The following CALN1 variants were observed in gnomAD, a reference collection of about 807,000 sequenced individuals.
CALN1 encodes the protein calneuron 1, also known as calcium-binding protein 8.
In CALN1, 17 loss-of-function variants were observed where a neutral mutation model predicts 30.6. The observed-to-expected ratio is 0.56, with a 90% CI of 0.38 to 0.83. The LOEUF (loss-of-function observed/expected upper bound fraction) is 0.83, where lower values mean the gene tolerates loss of function less well. CALN1 is among the 40% of genes least tolerant of loss of function. The pLI, the probability that CALN1 is intolerant of heterozygous loss-of-function variation, is 0.00. For missense variants in CALN1, 291 were observed against 354.9 expected, an observed-to-expected ratio of 0.82 and a Z score of 1.45; for synonymous variants, 156 against 131.4, an observed-to-expected ratio of 1.19 and a Z score of -1.28.
intron 2 of CALN1, among the ~76,000 whole-genome samples, chr7:72,280,303 C>A (rs1297890777): frequency 6.6e-6 from 1 of 152,208 alleles, no homozygotes; most frequent in Non-Finnish European, 1.5e-5. Context: ...CAAGAGCCAA[C>A]TGTCAGCTTG....
intron 4 of CALN1, among the ~76,000 whole-genome samples, chr7:72,088,772 T>TAAGAGAAGG (rs1395873458): frequency 2.1e-3 from 122 of 57,270 alleles, no homozygotes; most frequent in African/African-American, 7.7e-3. Flanking sequence ...GGAAGAGAAG[T>TAAGAGAAGG]AAGAGAAGGA....
intron 5 of CALN1, among the ~76,000 whole-genome samples, chr7:71,861,435 G>T (rs1791271012): frequency 6.6e-6 from 1 of 151,792 alleles, no homozygotes; most frequent in African/African-American, 2.4e-5. Context: ...CTCAGATTTG[G>T]ACCCCACCCT....
intron 3 of CALN1, among the ~76,000 whole-genome samples, chr7:72,119,227 G>A (rs929240820): frequency 1.3e-5 from 2 of 152,126 alleles, no homozygotes; most frequent in Non-Finnish European, 2.9e-5. Flanking sequence ...TTGACTTACA[G>A]TTCCACATGG....
intron 3 of CALN1, among the ~76,000 whole-genome samples, chr7:72,128,072 A>T (rs1323673280): frequency 6.6e-6 from 1 of 152,176 alleles, no homozygotes; most frequent in African/African-American, 2.4e-5. Context: ...CAATATCAAT[A>T]ATAAAAATAT....
chr7:72,041,575 C>A (rs1027418121), intron 4 of CALN1, among the ~76,000 whole-genome samples: 3 of 151,800 alleles, frequency 2.0e-5, no homozygotes, highest in African/African-American at 7.3e-5. Flanking sequence ...GTAGAGACAG[C>A]GTTTCATCAT....
At chr7:72,270,846 C>G (rs895320806) in intron 3 of CALN1, among the ~76,000 whole-genome samples, 1 of 152,192 alleles carries the variant, frequency 6.6e-6, no homozygotes, top group Non-Finnish European at 1.5e-5. Context: ...TAGCATCCCT[C>G]CAATGGTATC....
chr7:71,902,129 C>A (rs1793883457), intron 5 of CALN1, among the ~76,000 whole-genome samples: 1 of 152,060 alleles, frequency 6.6e-6, no homozygotes, highest in Non-Finnish European at 1.5e-5. Flanking sequence ...CAGGCTGAGG[C>A]TGGAGAATGG....
At chr7:72,306,133 G>C (rs983414905) in intron 2 of CALN1, among the ~76,000 whole-genome samples, 4 of 151,940 alleles carry the variant, frequency 2.6e-5, no homozygotes, top group African/African-American at 9.7e-5. Flanking sequence ...AACTGACACT[G>C]GTATAACATG....
intron 3 of CALN1, among the ~76,000 whole-genome samples, chr7:72,226,073 T>C (rs501430): frequency 0.72 from 102,329 of 142,234 alleles, 37,503 homozygotes; most frequent in East Asian, 1. Flanking sequence ...TCCAGCCTGG[T>C]GACAGAGCGA....
chr7:72,177,179 G>A (rs954457622), intron 3 of CALN1, among the ~76,000 whole-genome samples: 1 of 152,146 alleles, frequency 6.6e-6, no homozygotes, highest in African/African-American at 2.4e-5. Context: ...CAATGAGCAC[G>A]AGCATTCTGA....
intron 3 of CALN1, among the ~76,000 whole-genome samples, chr7:72,141,891 G>A (rs1173945377): frequency 6.6e-6 from 1 of 152,096 alleles, no homozygotes; most frequent in Non-Finnish European, 1.5e-5. Flanking sequence ...TTCTACAGAT[G>A]GGCCCTATGT....
At chr7:71,917,461 A>T (rs1733465321) in intron 5 of CALN1, among the ~76,000 whole-genome samples, 1 of 152,220 alleles carries the variant, frequency 6.6e-6, no homozygotes, top group Non-Finnish European at 1.5e-5. Context: ...ATAAATGGTG[A>T]TGAATATGCT....
intron 3 of CALN1, among the ~76,000 whole-genome samples, chr7:72,199,541 G>A (rs1487334075): frequency 1.3e-5 from 2 of 152,142 alleles, no homozygotes; most frequent in Non-Finnish European, 2.9e-5. Flanking sequence ...GCAACATAGT[G>A]AGACCACATC....
At chr7:72,235,355 C>T (rs1028849411) in intron 3 of CALN1, among the ~76,000 whole-genome samples, 2 of 152,084 alleles carry the variant, frequency 1.3e-5, no homozygotes, top group African/African-American at 4.8e-5. Flanking sequence ...AGTGTGTCCA[C>T]GCCTTATAGA....
Position 71,784,693 on chromosome 7 carries a change from A to G in CALN1, c.*3082T>C. ...AAGAATGAGCCAACCTGTGTTTGTC[A>G]ATCACTCAGCCTCCACACAGTTGGG... On this transcript the variant is annotated 3_prime_UTR_variant, in exon 7 of 7. Transcript: ENST00000395275. 1 of 397,748 alleles carries G rather than the reference A, an allele frequency of 2.5e-6. No homozygotes were observed. The highest frequency in any genetic ancestry group is 3.6e-5 in the East Asian group (1 of 28,044). The allele number at this position is 397,748 out of a possible 1,614,324, so 24.6% of individuals were successfully genotyped here. A position where few individuals can be genotyped will look rare whatever the true frequency, so the allele number is the denominator to read the frequency against.
chr7:72,128,135 T>TA (rs1342978662), intron 3 of CALN1, among the ~76,000 whole-genome samples: 1 of 152,074 alleles, frequency 6.6e-6, no homozygotes, highest in African/African-American at 2.4e-5. Context: ...GAATTCATCC[T>TA]AAAAAAGAAG....
At chr7:72,107,273 T>C (rs1807241516) in intron 3 of CALN1, among the ~76,000 whole-genome samples, 1 of 152,244 alleles carries the variant, frequency 6.6e-6, no homozygotes, top group East Asian at 1.9e-4. Context: ...TCCCTGCTGC[T>C]GTAGGAGCTG....
At chr7:71,904,923 T>A (rs1226510161) in intron 5 of CALN1, among the ~76,000 whole-genome samples, 1 of 150,280 alleles carries the variant, frequency 6.7e-6, no homozygotes, top group East Asian at 2.1e-4. Flanking sequence ...TTTTGTTGTT[T>A]TTGTTCTTAA....
At chr7:71,791,536 A>G (rs899474613) in intron 6 of CALN1, among the ~76,000 whole-genome samples, 4 of 152,130 alleles carry the variant, frequency 2.6e-5, no homozygotes, top group African/African-American at 7.2e-5. Flanking sequence ...AACCACAGAC[A>G]CTGGGGCCCA....
Sources: allele counts gnomAD v4.1 joint callset (sites outside exome capture counted in the v4.1 genomes callset), GRCh38; gene constraint gnomAD v4.1.1; transcripts MANE v1.5; gene names NCBI Gene and HGNC (gene_info 2026-07-23, HGNC 2026-07-21).